CTNNA2: variants seen among roughly 807,000 people sequenced by gnomAD.
CTNNA2 encodes the protein catenin alpha 2, also known as catenin alpha-2.
CTNNA2 carries 42 observed loss-of-function variants against 101.0 expected under a neutral mutation model. The ratio of observed to expected loss-of-function variants is 0.42; its 90% confidence interval spans 0.32 to 0.54. The LOEUF is 0.54. Among genes scored for constraint, CTNNA2 ranks in the 20% least tolerant of loss-of-function variants. CTNNA2 has a pLI of 0.14. For synonymous variants in CTNNA2, 450 were observed against 456.4 expected (o/e 0.99, Z 0.18); for missense variants, 871 against 1,223.1 (o/e 0.71, Z 4.29).
chr2:79,615,550 A>C (rs1286041954), intron 1 of CTNNA2, among the ~76,000 whole-genome samples: 2 of 152,224 alleles, frequency 1.3e-5, no homozygotes, highest in African/African-American at 4.8e-5. Flanking sequence ...GGTTGTGTGA[A>C]AGAGTATATT....
chr2:79,673,832 G>T (rs184989420), intron 2 of CTNNA2, among the ~76,000 whole-genome samples: 1 of 152,154 alleles, frequency 6.6e-6, no homozygotes, highest in Admixed American at 6.5e-5. Context: ...CTCTGTCTCT[G>T]CTCCGTGTTT....
chr2:79,235,958 G>A (rs1674552108), intron 2 of CTNNA2, among the ~76,000 whole-genome samples: 1 of 152,162 alleles, frequency 6.6e-6, no homozygotes, highest in African/African-American at 2.4e-5. Flanking sequence ...TTAGGCATAA[G>A]CAGGACTTCT....
At chr2:80,047,252 A>C (rs937391760) in intron 7 of CTNNA2, among the ~76,000 whole-genome samples, 1 of 152,242 alleles carries the variant, frequency 6.6e-6, no homozygotes, top group Non-Finnish European at 1.5e-5. Context: ...AAATCAATTA[A>C]AACTACACAA....
chr2:80,128,611 G>A (rs562996546), intron 7 of CTNNA2, among the ~76,000 whole-genome samples: 1 of 152,254 alleles, frequency 6.6e-6, no homozygotes, highest in Non-Finnish European at 1.5e-5. Flanking sequence ...CCAAAAAACA[G>A]TGCCAATTAA....
At chr2:80,337,121 C>T (rs997860715) in intron 7 of CTNNA2, among the ~76,000 whole-genome samples, 2 of 152,006 alleles carry the variant, frequency 1.3e-5, no homozygotes, top group African/African-American at 2.4e-5. Context: ...TTTGGGAGGC[C>T]GAGGTGGGCA....
chr2:80,457,139 C>T (rs954425338), intron 9 of CTNNA2, among the ~76,000 whole-genome samples: 1 of 151,946 alleles, frequency 6.6e-6, no homozygotes, highest in Non-Finnish European at 1.5e-5. Context: ...TCTCGACTCA[C>T]TGCAACCTCT....
chr2:79,572,508 C>T (rs1279558212), intron 1 of CTNNA2, among the ~76,000 whole-genome samples: 1 of 152,070 alleles, frequency 6.6e-6, no homozygotes, highest in Non-Finnish European at 1.5e-5. Flanking sequence ...CCAACACTCT[C>T]TGGGAGGCCG....
chr2:79,901,636 A>G (rs2104282404), intron 6 of CTNNA2, among the ~76,000 whole-genome samples: 1 of 152,322 alleles, frequency 6.6e-6, no homozygotes, highest in Admixed American at 6.5e-5. Flanking sequence ...TAAGTAGTTC[A>G]CTTAAAGGTT....
chr2:79,946,254 A>ATGTCTCTT (rs1688486041), intron 7 of CTNNA2, among the ~76,000 whole-genome samples: 1 of 152,134 alleles, frequency 6.6e-6, no homozygotes, highest in African/African-American at 2.4e-5. Flanking sequence ...CTATCCTATC[A>ATGTCTCTT]GACTGGGAGC....
At chr2:79,721,674 C>T (rs964760120) in intron 2 of CTNNA2, among the ~76,000 whole-genome samples, 2 of 152,166 alleles carry the variant, frequency 1.3e-5, no homozygotes, top group African/African-American at 4.8e-5. Flanking sequence ...AAATCACTTT[C>T]TTTGTAATTG....
At chr2:79,611,612 A>T (rs936724102) in intron 1 of CTNNA2, among the ~76,000 whole-genome samples, 2 of 151,936 alleles carry the variant, frequency 1.3e-5, no homozygotes, top group Non-Finnish European at 2.9e-5. Flanking sequence ...GTGCAGAGGA[A>T]TGTTTAAGGT....
At chr2:80,402,269 A>G (rs1678622839) in intron 8 of CTNNA2, among the ~76,000 whole-genome samples, 2 of 152,078 alleles carry the variant, frequency 1.3e-5, no homozygotes, top group Non-Finnish European at 1.5e-5. Context: ...CTGTACTTCC[A>G]TTTTTTCAGC....
At chr2:79,564,453 G>T (rs1674983713) in intron 1 of CTNNA2, among the ~76,000 whole-genome samples, 1 of 152,006 alleles carries the variant, frequency 6.6e-6, no homozygotes, top group African/African-American at 2.4e-5. Context: ...TTTTACAGAG[G>T]TTCCTTAGGA....
At position 80,043,819 on chromosome 2, in the gene CTNNA2, G is replaced by A. The variant is rs573214050; in HGVS notation, c.1056+134022G>A. On this transcript the variant is annotated intron_variant, in intron 7 of 18. Transcript: ENST00000402739. The stretch of plus-strand genomic sequence containing the variant: ...TTCGCAATGTATCCAGAGAAGTGAG[G>A]CTTTATTTTATTATGCGTCTGTCAA... Among the ~76,000 whole-genome samples the A allele has an allele frequency of 2.4e-3, 368 of 152,242 alleles. 1 individual carries two copies. Among genetic ancestry groups the A allele is most frequent in the Non-Finnish European group, 4.2e-3 (288 of 68,026 alleles).
chr2:80,612,354 G>A (rs216677), intron 17 of CTNNA2, among the ~76,000 whole-genome samples: 36,836 of 151,376 alleles, frequency 0.24, 6,811 homozygotes, highest in African/African-American at 0.52. Flanking sequence ...TCCTAAAAAT[G>A]TTGGAAACTG....
chr2:80,598,852 T>TG (rs1200279232), intron 15 of CTNNA2, among the ~76,000 whole-genome samples: 1 of 152,214 alleles, frequency 6.6e-6, no homozygotes, highest in Non-Finnish European at 1.5e-5. Flanking sequence ...AAGAGATTCA[T>TG]GATTAGGAAT....
chr2:80,480,098 C>T (rs1686035272), intron 9 of CTNNA2, among the ~76,000 whole-genome samples: 3 of 151,938 alleles, frequency 2.0e-5, no homozygotes, highest in Non-Finnish European at 4.4e-5. Context: ...TGATCATATG[C>T]CCAATAAAAA....
chr2:80,165,398 G>A (rs1039758928), intron 7 of CTNNA2, among the ~76,000 whole-genome samples: 1 of 150,862 alleles, frequency 6.6e-6, no homozygotes, highest in African/African-American at 2.4e-5. Context: ...TTATTGCATT[G>A]TTTTGGTTCT....
chr2:79,260,395 C>G (rs961283227), intron 2 of CTNNA2, among the ~76,000 whole-genome samples: 2 of 152,132 alleles, frequency 1.3e-5, no homozygotes, highest in Admixed American at 1.3e-4. Context: ...GCTCTGTTTG[C>G]TAGATATGTC....
Sources: gnomAD v4.1 joint callset for allele counts (sites outside exome capture counted in the v4.1 genomes callset) on GRCh38, gnomAD v4.1.1 for gene constraint, MANE v1.5 for transcripts, NCBI Gene and HGNC (gene_info 2026-07-23, HGNC 2026-07-21) for gene names.